The following FARS2 variants were observed in gnomAD, a reference collection of about 807,000 sequenced individuals.
FARS2 encodes phenylalanyl-tRNA synthetase 2, mitochondrial, also known as phenylalanine--tRNA ligase, mitochondrial.
A neutral mutation model predicts 46.4 loss-of-function variants in FARS2; 40 were observed. The ratio of observed to expected loss-of-function variants is 0.86; its 90% CI spans 0.67 to 1.12. The LOEUF is 1.12. FARS2 is among the 50% of genes most tolerant of loss of function. The pLI is 0.00. For missense variants in FARS2, 513 were observed against 567.9 expected (o/e 0.90, Z 0.98); for synonymous variants, 234 against 214.9 (o/e 1.09, Z -0.78).
Position 5,471,446 on chromosome 6 carries a change from A to G in FARS2, c.904+40274A>G, listed in dbSNP as rs1468800863. 6.6e-6 allele frequency among the ~76,000 whole-genome samples: 1 copy of G among 152,212 alleles called. No individual in the cohort carries two copies. The highest frequency in any genetic ancestry group is 6.5e-5 in the Admixed American group (1 of 15,284). On this transcript the variant is annotated intron_variant, in intron 4 of 6. Coordinates refer to ENST00000274680, the MANE Select transcript of FARS2 (RefSeq NM_006567.5). The surrounding 1 kb of genome is among the most constrained non-coding windows in gnomAD (Gnocchi z 4.1). ...ACTAGCCCTTCATTTACGAAGAACC[A>G]AAGGGAAACTCCAGGACTTTTAATT...
intron 6 of FARS2, among the ~76,000 whole-genome samples, chr6:5,684,226 G>A (rs1779181560): frequency 6.6e-6 from 1 of 152,048 alleles, no homozygotes; most frequent in African/African-American, 2.4e-5. Flanking sequence ...TCACAGCCTG[G>A]GTCCTCAGAG....
chr6:5,574,107 T>G (rs1332960675), intron 5 of FARS2, among the ~76,000 whole-genome samples: 5 of 152,220 alleles, frequency 3.3e-5, no homozygotes, highest in African/African-American at 1.2e-4. Flanking sequence ...AACTACTTCT[T>G]TATTAAAATC....
intron 5 of FARS2, among the ~76,000 whole-genome samples, chr6:5,569,135 A>C (rs1465517176): frequency 6.6e-6 from 1 of 152,050 alleles, no homozygotes. Context: ...AATGGTTCCT[A>C]GGTTTCTGCC....
intron 4 of FARS2, among the ~76,000 whole-genome samples, chr6:5,447,384 A>T (rs978111865): frequency 6.6e-6 from 1 of 152,192 alleles, no homozygotes; most frequent in Non-Finnish European, 1.5e-5. Flanking sequence ...CATAATTGAC[A>T]CACAGAACCT....
chr6:5,684,113 A>G (rs1353990997), intron 6 of FARS2, among the ~76,000 whole-genome samples: 1 of 152,160 alleles, frequency 6.6e-6, no homozygotes, highest in Non-Finnish European at 1.5e-5. Context: ...GGTTTCTTGT[A>G]TACCTGCCCG....
rs1776253834 is a variant in FARS2 at position 5,630,624 on chromosome 6, T to C, written c.1217+17304T>C. ...CAGGGAAGTTTCACGTTGCTGTCAT[T>C]TACCCGTTCTGATTTTCCTTCCTCG... On this transcript the variant is annotated intron_variant, in intron 6 of 6. Coordinates refer to ENST00000274680, the MANE Select transcript of FARS2 (RefSeq NM_006567.5). This position sits in a 1 kb window ranked among gnomAD's most constrained non-coding sequence, Gnocchi z 4.2. Among the ~76,000 whole-genome samples, 1 of 152,196 alleles carries C rather than the reference T, an allele frequency of 6.6e-6. No homozygotes were observed. The highest frequency in any genetic ancestry group is 2.1e-4 in the South Asian group (1 of 4,826).
intron 1 of FARS2, among the ~76,000 whole-genome samples, chr6:5,318,404 A>AAAG (rs1280757223): frequency 6.6e-6 from 1 of 151,450 alleles, no homozygotes; most frequent in Non-Finnish European, 1.5e-5. Context: ...AAAAAAAAAA[A>AAAG]AAACCCTACA....
At chr6:5,669,184 TAGG>T in intron 6 of FARS2, among the ~76,000 whole-genome samples, 1 of 152,152 alleles carries the variant, frequency 6.6e-6, no homozygotes, top group Middle Eastern at 3.2e-3. Flanking sequence ...AATGGGAAAA[TAGG>T]AGCCATTCCT....
chr6:5,724,336 C>A (rs904272552), intron 6 of FARS2, among the ~76,000 whole-genome samples: 3 of 152,188 alleles, frequency 2.0e-5, no homozygotes, highest in African/African-American at 7.2e-5. Context: ...TGTTTGCACA[C>A]AGGAAATGAC....
intron 6 of FARS2, among the ~76,000 whole-genome samples, chr6:5,678,085 A>C (rs945157307): frequency 2.0e-5 from 3 of 152,180 alleles, no homozygotes; most frequent in Admixed American, 2.0e-4. Context: ...AGAGCCTGGG[A>C]AGCAGTCGTA....
intron 6 of FARS2, among the ~76,000 whole-genome samples, chr6:5,666,510 T>G (rs1302351117): frequency 6.6e-6 from 1 of 152,216 alleles, no homozygotes; most frequent in Non-Finnish European, 1.5e-5. Flanking sequence ...AGCAGTGCTA[T>G]TTTAATAAAT....
intron 2 of FARS2, chr6:5,371,208 T>A: frequency 2.0e-6 from 2 of 983,710 alleles, no homozygotes; most frequent in South Asian, 9.4e-5. Flanking sequence ...TGTGGTGTTT[T>A]CTGAATTCCT....
chr6:5,261,905 C>T (rs770790518), intron 1 of FARS2, among the ~76,000 whole-genome samples: 7 of 152,194 alleles, frequency 4.6e-5, no homozygotes, highest in Non-Finnish European at 7.4e-5. Context: ...TCAACCATGG[C>T]TTTCTTCAGA....
intron 3 of FARS2, among the ~76,000 whole-genome samples, chr6:5,424,093 C>T (rs77962730): frequency 6.6e-6 from 1 of 152,086 alleles, no homozygotes; most frequent in Non-Finnish European, 1.5e-5. Flanking sequence ...GGGTACTCAA[C>T]TGTTGCTTTA....
intron 4 of FARS2, among the ~76,000 whole-genome samples, chr6:5,530,261 T>C (rs941884851): frequency 3.3e-5 from 5 of 152,118 alleles, no homozygotes; most frequent in African/African-American, 7.2e-5. Context: ...TAACCTCACA[T>C]TGAGGAACAT....
In FARS2 at chr6:5,289,429, T is replaced by C. The variant is rs377463429; in HGVS notation, c.-22+27769T>C. 5.9e-5 allele frequency among the ~76,000 whole-genome samples: 9 copies of C among 152,334 alleles called. No individual in the cohort carries two copies. The South Asian group carries it at 1.4e-3, about 25-fold the overall frequency. On this transcript the variant is annotated intron_variant, in intron 1 of 6. Transcript: ENST00000274680. The stretch of plus-strand genomic sequence containing the variant: ...ACATGCCACAGAATGGAAAGGGGCA[T>C]GAGCAAGTGGCTCAAGAGCCCAGTT...
At chr6:5,312,516 A>G (rs1379279005) in intron 1 of FARS2, among the ~76,000 whole-genome samples, 2 of 152,254 alleles carry the variant, frequency 1.3e-5, no homozygotes, top group South Asian at 2.1e-4. Context: ...AAAAGGAAAT[A>G]TCAAAACTTC....
intron 3 of FARS2, among the ~76,000 whole-genome samples, chr6:5,421,119 A>G (rs1421173667): frequency 6.6e-6 from 1 of 152,156 alleles, no homozygotes; most frequent in African/African-American, 2.4e-5. Flanking sequence ...ATCTTGTGAA[A>G]TCTAGGTGGA....
intron 1 of FARS2, among the ~76,000 whole-genome samples, chr6:5,354,043 GT>G (rs1467040530): frequency 5.5e-5 from 8 of 145,764 alleles, no homozygotes; most frequent in Non-Finnish European, 1.0e-4. Flanking sequence ...ATCTTACTAT[GT>G]TAACATCTCC....
Sources: gnomAD v4.1 joint callset for allele counts (sites outside exome capture counted in the v4.1 genomes callset) on GRCh38, gnomAD v4.1.1 for gene constraint, Gnocchi (gnomAD v3.1) non-coding constraint, MANE v1.5 for transcripts, NCBI Gene and HGNC (gene_info 2026-07-23, HGNC 2026-07-21) for gene names.